Variants in DLEC1 observed in about 807,000 individuals in gnomAD.
DLEC1 encodes the protein DLEC1 cilia and flagella associated protein, also known as deleted in lung and esophageal cancer protein 1.
Under a neutral mutation model 198.1 loss-of-function variants are expected in DLEC1, and 146 were observed. The observed-to-expected ratio is 0.74, with a 90% confidence interval of 0.64 to 0.85. The LOEUF is 0.85. DLEC1 is among the 40% of genes least tolerant of loss of function. The probability of loss-of-function intolerance (pLI) is 0.00; values close to 1 mark genes in which losing one functional copy is unlikely to be tolerated. For missense variants in DLEC1, 2,233 were observed against 2,220.0 expected (o/e 1.01, Z -0.12); for synonymous variants, 897 against 866.8 (o/e 1.03, Z -0.61).
intron 9 of DLEC1, among the ~76,000 whole-genome samples, chr3:38,086,823 C>G (rs1698481792): frequency 6.6e-6 from 1 of 152,096 alleles, no homozygotes; most frequent in African/African-American, 2.4e-5. Flanking sequence ...ACATGTAATC[C>G]CAGCACTTTG....
Position 38,092,785 on chromosome 3 carries a change from C to T in DLEC1, c.1666-5C>T. The stretch of plus-strand genomic sequence containing the variant: ...AGGTAACGGAACAACCCTTCTCTCC[C>T]CCAGGTCTTGTTTTCCCCAAAGAGC... On this transcript the variant is annotated splice_region_variant and splice_polypyrimidine_tract_variant and intron_variant, in intron 10 of 36. Transcript: ENST00000308059. 1.2e-6 allele frequency: 2 copies of T among 1,613,976 alleles called. No individual in the cohort carries two copies. The highest frequency in any genetic ancestry group is 1.3e-5 in the African/African-American group (1 of 75,000).
chr3:38,080,434 C>T (rs566918399), intron 6 of DLEC1, among the ~76,000 whole-genome samples: 9 of 152,016 alleles, frequency 5.9e-5, no homozygotes, highest in East Asian at 1.9e-4. Flanking sequence ...AGATTTGGGA[C>T]GAGTTGCATT....
At chr3:38,084,106 A>C in intron 6 of DLEC1, 52 bp from the exon 7 acceptor site, 2 of 1,537,398 alleles carry the variant, frequency 1.3e-6, no homozygotes, top group Non-Finnish European at 1.8e-6. Flanking sequence ...ACATCGTATC[A>C]TTTCGTCTAT....
At chr3:38,096,094 C>T (rs889891078) in intron 14 of DLEC1, 148 bp downstream of exon 14, 22 of 856,188 alleles carry the variant, frequency 2.6e-5, no homozygotes, top group African/African-American at 6.8e-5. Context: ...TTTGCCTTGC[C>T]CTGGCAACCC....
intron 2 of DLEC1, among the ~76,000 whole-genome samples, chr3:38,049,863 G>A (rs1196598366): frequency 6.6e-6 from 1 of 152,182 alleles, no homozygotes; most frequent in Non-Finnish European, 1.5e-5. Flanking sequence ...TGTCAACTTG[G>A]CATTGCTGTT....
Position 38,062,296 on chromosome 3 carries a change from A to G in DLEC1, c.801A>G (p.Leu267=). 2 of 1,614,250 alleles carry G rather than the reference A, an allele frequency of 1.2e-6. No individual in the cohort carries two copies. Among genetic ancestry groups the G allele is most frequent in the Non-Finnish European group, 1.7e-6 (2 of 1,180,042 alleles). The change falls in exon 4 of 37, where the codon TTA becomes TTG. Residue 267 remains leucine (L), a synonymous_variant. Coordinates refer to ENST00000308059, the MANE Select transcript of DLEC1 (RefSeq NM_007335.4). The part of the protein sequence containing the change: ...RKKLAEFEDE[L]DHTVDSLTWN... ...AGCTTGCTGAGTTCGAAGATGAGTT[A>G]GACCACACTGTGGACAGCCTGACAT...
intron 23 of DLEC1, 83 bp from the exon 24 acceptor site, chr3:38,111,594 A>C: frequency 6.8e-7 from 1 of 1,465,050 alleles, no homozygotes; most frequent in East Asian, 2.4e-5. Flanking sequence ...ACCTGGTAGA[A>C]TGCTGGTTGC....
intron 6 of DLEC1, 88 bp downstream of exon 6, chr3:38,064,007 C>CTTTTTTTTTTTTTTTTTTT (rs71094947): frequency 2.4e-6 from 1 of 417,586 alleles, no homozygotes; most frequent in Non-Finnish European, 3.7e-6. Context: ...TTTTTTTTTT[C>CTTTTTTTTTTTTTTTTTTT]TTTTTTTTTT....
rs367625120 is a variant in DLEC1 at position 38,110,926 on chromosome 3, A to C, written c.3443+645A>C. Among the ~76,000 whole-genome samples the C allele has an allele frequency of 3.3e-5, 5 of 152,106 alleles. No individual in the cohort carries two copies. In the East Asian group the frequency reaches 9.6e-4, roughly 29 times the overall value. ...TACACATATGTATACACATATACAC[A>C]TGCACACACACATATACATAAACAT... is the stretch of plus-strand genomic sequence containing the variant. On this transcript the variant is annotated intron_variant, in intron 23 of 36. Transcript: ENST00000308059.
At chr3:38,116,686 G>A (rs1559464691) in intron 28 of DLEC1, 28 bp downstream of exon 28, 2 of 1,612,528 alleles carry the variant, frequency 1.2e-6, no homozygotes, top group African/African-American at 1.3e-5. Context: ...GGCGGGGCAG[G>A]CTGGCCACTG....
intron 2 of DLEC1, among the ~76,000 whole-genome samples, chr3:38,053,803 G>A (rs1015164166): frequency 1.3e-5 from 2 of 152,222 alleles, no homozygotes; most frequent in African/African-American, 2.4e-5. Context: ...TGCTGTGTCT[G>A]TGTAGAAAGA....
chr3:38,116,115 G>A (rs967732822), intron 27 of DLEC1, among the ~76,000 whole-genome samples: 2 of 152,122 alleles, frequency 1.3e-5, no homozygotes, highest in Non-Finnish European at 2.9e-5. Flanking sequence ...AAGGGCATGT[G>A]GGGGTTAGAG....
intron 1 of DLEC1, among the ~76,000 whole-genome samples, chr3:38,042,900 C>T (rs1248750491): frequency 6.6e-6 from 1 of 152,072 alleles, no homozygotes; most frequent in Non-Finnish European, 1.5e-5. Flanking sequence ...TTTCCTTTTT[C>T]GTCATCTGTT....
intron 6 of DLEC1, among the ~76,000 whole-genome samples, chr3:38,080,969 G>C (rs1027959769): frequency 7.4e-6 from 1 of 135,398 alleles, no homozygotes; most frequent in African/African-American, 2.8e-5. Context: ...GCGGCCTTCC[G>C]CAGTGTTTGT....
At chr3:38,072,432 G>T (rs1172686297) in intron 6 of DLEC1, among the ~76,000 whole-genome samples, 1 of 152,190 alleles carries the variant, frequency 6.6e-6, no homozygotes, top group Non-Finnish European at 1.5e-5. Flanking sequence ...GGACAAAAAG[G>T]CTACAGGACG....
intron 6 of DLEC1, among the ~76,000 whole-genome samples, chr3:38,077,031 A>G (rs940513550): frequency 5.3e-5 from 8 of 152,174 alleles, no homozygotes; most frequent in Non-Finnish European, 1.0e-4. Context: ...ATGGAATAAG[A>G]GAAGGAGAAA....
At chr3:38,072,590 G>C (rs1559416758) in intron 6 of DLEC1, among the ~76,000 whole-genome samples, 1 of 152,150 alleles carries the variant, frequency 6.6e-6, no homozygotes, top group African/African-American at 2.4e-5. Context: ...AGTGGGGAAA[G>C]GATTTAGGAT....
intron 34 of DLEC1, among the ~76,000 whole-genome samples, chr3:38,121,321 G>T (rs1700447842): frequency 6.6e-6 from 1 of 152,224 alleles, no homozygotes; most frequent in African/African-American, 2.4e-5. Context: ...GGGCCTTGGG[G>T]GCCACCACAG....
intron 2 of DLEC1, 81 bp downstream of exon 2, chr3:38,045,774 C>T: frequency 7.1e-7 from 1 of 1,411,626 alleles, no homozygotes; most frequent in Non-Finnish European, 9.5e-7. Flanking sequence ...TGCCCACTCT[C>T]TAGGCTTTTT....
Sources: allele counts gnomAD v4.1 joint callset (sites outside exome capture counted in the v4.1 genomes callset), GRCh38; gene constraint gnomAD v4.1.1; transcripts MANE v1.5; gene names NCBI Gene and HGNC (gene_info 2026-07-23, HGNC 2026-07-21).